The following TAS2R8 variants were observed in gnomAD, a reference collection of about 807,000 sequenced individuals.
TAS2R8 encodes taste 2 receptor member 8, also known as taste receptor type 2 member 8.
For synonymous variants in TAS2R8, 139 were observed against 123.9 expected, an observed-to-expected ratio of 1.12 and a Z score of -0.81; for missense variants, 396 against 358.1, an observed-to-expected ratio of 1.11 and a Z score of -0.85.
Position 10,806,372 on chromosome 12 carries a change from A to C in TAS2R8, c.609T>G (p.Leu203=). The C allele has an allele frequency of 1.9e-6, 3 of 1,613,862 alleles. No homozygotes were observed. The South Asian group carries it at 3.3e-5, about 18-fold the overall frequency. ...TATGTCTCCATAAAGATCTTACTAA[A>C]AGGAAAAATGATATCAGTGACACAA... ...PFIVSLISFF[L]LVRSLWRHTK... The change falls in exon 1 of 1, where the codon CTT becomes CTG. Residue 203 remains leucine (L), a synonymous_variant. Transcript: ENST00000240615.
the TAS2R8 span, chr12:10,806,745 T>TG: frequency 6.2e-7 from 1 of 1,613,914 alleles, no homozygotes; most frequent in South Asian, 1.1e-5. Flanking sequence ...CTGTTGTTTA[T>TG]TTTTTGTATA....
rs1358977563 is a variant in TAS2R8 at position 10,806,533 on chromosome 12, T to C, written c.448A>G (p.Ile150Val). The C allele has an allele frequency of 1.9e-6, 3 of 1,613,890 alleles. No homozygotes were observed. The highest frequency in any genetic ancestry group is 8.5e-7 in the Non-Finnish European group (1 of 1,179,914). The change falls in exon 1 of 1, where the codon ATA (isoleucine) becomes GTA (valine). Residue 150 changes from isoleucine (I) to valine (V), a missense_variant. Transcript: ENST00000240615. Reference protein sequence around the residue: ...ISLLVSLIAAIVLSCDYRFHA... With the variant: ...ISLLVSLIAAVVLSCDYRFHA... ...AACCTATAATCACAACTCAGTACTATTGCTGCTATAAGGCTGACCAACAAG... is the reference window on the plus strand; with the variant it reads ...AACCTATAATCACAACTCAGTACTACTGCTGCTATAAGGCTGACCAACAAG...
chr12:10,806,433 A>G lies in TAS2R8; in HGVS notation c.548T>C (p.Leu183Ser), dbSNP rs1423161985. ...AATTGCAAACAGGTTAAAGAGAGTC[A>G]AGGGTTCAAAGTATGGTATTTTACT... Reference protein sequence around the residue: ...HVSKIPYFEPLTLFNLFAIVP... With the variant: ...HVSKIPYFEPSTLFNLFAIVP... The change falls in exon 1 of 1, where the codon TTG becomes TCG. Residue 183 changes from leucine to serine, a missense_variant. Coordinates refer to ENST00000240615, the MANE Select transcript of TAS2R8 (RefSeq NM_023918.3). The G allele has an allele frequency of 6.2e-7, 1 of 1,613,800 alleles. No homozygotes were observed. Among genetic ancestry groups the G allele is most frequent in the Non-Finnish European group, 8.5e-7 (1 of 1,179,852 alleles).
chr12:10,807,206 T>G lies in TAS2R8; in HGVS notation c.-226A>C. The stretch of plus-strand genomic sequence containing the variant: ...AACTAATGAGCAGCTTGACTAGTTA[T>G]TTATAGCCTGGAAAAATTATAATTA... On this transcript the variant is annotated 5_prime_UTR_variant, in exon 1 of 1. Coordinates refer to ENST00000240615, the MANE Select transcript of TAS2R8 (RefSeq NM_023918.3). 1 of 452,184 alleles carries G rather than the reference T, an allele frequency of 2.2e-6. No homozygotes were observed. The highest frequency in any genetic ancestry group is 5.7e-5 in the South Asian group (1 of 17,394). 28.0% of individuals were successfully genotyped at this position (452,184 alleles called of 1,614,324 possible). A position where few individuals can be genotyped will look rare whatever the true frequency, so the allele number is the denominator to read the frequency against.
chr12:10,806,965 C>T lies in TAS2R8; in HGVS notation c.16G>A (p.Asp6Asn). 1 of 1,604,524 alleles carries T rather than the reference C, an allele frequency of 6.2e-7. No individual in the cohort carries two copies. The stretch of plus-strand genomic sequence containing the variant: ...GTTATTAGGATTATAAAGATGTTAT[C>T]TGCAGGACTGAACATGTTTGTAGAG... MFSPA[D>N]NIFIILITGE... Residue 6 changes from aspartate (D) to asparagine (N), a missense_variant, in exon 1 of 1, where the codon GAT (aspartate) becomes AAT (asparagine). By Grantham distance (23) the Asp-to-Asn change is conservative. Transcript: ENST00000240615.
In TAS2R8 at chr12:10,806,724, A is replaced by C. The variant is rs763144353; in HGVS notation, c.257T>G (p.Phe86Cys). 4.3e-6 allele frequency: 7 copies of C among 1,613,840 alleles called. No homozygotes were observed. In the African/African-American group the frequency reaches 8.0e-5, roughly 18 times the overall value. Reference protein sequence around the residue: ...YTKNKQQIVIFTFWTFANYLN... With the variant: ...YTKNKQQIVICTFWTFANYLN... ...GTAGTTGGCAAATGTCCAGAAGGTA[A>C]AAATGACTATCTGTTGTTTATTTTT... Residue 86 changes from phenylalanine (F) to cysteine (C), a missense_variant, in exon 1 of 1, where the codon TTT becomes TGT. By Grantham distance (205) the Phe-to-Cys change is radical (BLOSUM62 -2). Transcript: ENST00000240615.
At position 10,806,629 on chromosome 12, in the gene TAS2R8, G is replaced by C. The variant is rs770656210; in HGVS notation, c.352C>G (p.Leu118Val). The C allele has an allele frequency of 2.0e-5, 32 of 1,613,808 alleles. No individual in the cohort carries two copies. The highest frequency in any genetic ancestry group is 2.6e-5 in the Non-Finnish European group (31 of 1,179,924). ...FLKIASSSHP[L>V]FLWLKWKIDM... Reference sequence around the variant, plus strand: ...ATTTTCCACTTCAGCCAGAGAAAAAGTGGATGAGAGGAACTGGCTATCTTC... The same window carrying C: ...ATTTTCCACTTCAGCCAGAGAAAAACTGGATGAGAGGAACTGGCTATCTTC... Residue 118 changes from leucine to valine, a missense_variant, in exon 1 of 1, where the codon CTT becomes GTT. By Grantham distance (32) the Leu-to-Val change is conservative. Coordinates refer to ENST00000240615, the MANE Select transcript of TAS2R8 (RefSeq NM_023918.3).
rs757214440 is a variant in TAS2R8 at position 10,807,134 on chromosome 12, G to T, written c.-154C>A. On this transcript the variant is annotated 5_prime_UTR_variant, in exon 1 of 1. It adds an upstream start codon to the 5' untranslated region. Coordinates refer to ENST00000240615, the MANE Select transcript of TAS2R8 (RefSeq NM_023918.3). Reference sequence around the variant, plus strand: ...GTTGTTATTCTTCCGGAAGTGTTCAGCTCTCCTCTGAAATAGGATTGTCTC... The same window carrying T: ...GTTGTTATTCTTCCGGAAGTGTTCATCTCTCCTCTGAAATAGGATTGTCTC... 1.5e-4 allele frequency: 100 copies of T among 652,298 alleles called. 1 individual carries two copies. The highest frequency in any genetic ancestry group is 2.3e-4 in the Non-Finnish European group (91 of 392,922). The allele number at this position is 652,298 out of a possible 1,614,324, so 40.4% of individuals were successfully genotyped here.
chr12:10,806,138 G>A lies in TAS2R8; in HGVS notation c.843C>T (p.His281=). ...EIAAILYPLG[H]SLILIVLNNK... The stretch of plus-strand genomic sequence containing the variant: ...TATTTAAAACAATTAAAATAAGTGA[G>A]TGACCCAAGGGGTAGAGAATTGCTG... Residue 281 remains histidine, a synonymous_variant, in exon 1 of 1, where the codon CAC becomes CAT. Coordinates refer to ENST00000240615, the MANE Select transcript of TAS2R8 (RefSeq NM_023918.3). 6.2e-7 allele frequency: 1 copy of A among 1,612,806 alleles called. No homozygotes were observed. Among genetic ancestry groups the A allele is most frequent in the South Asian group, 1.1e-5 (1 of 90,734 alleles).
chr12:10,806,437 G>A lies in TAS2R8; in HGVS notation c.544C>T (p.Pro182Ser). The stretch of plus-strand genomic sequence containing the variant: ...GCAAACAGGTTAAAGAGAGTCAAGG[G>A]TTCAAAGTATGGTATTTTACTCACA... ...FHVSKIPYFE[P>S]LTLFNLFAIV... Residue 182 changes from proline to serine, a missense_variant, in exon 1 of 1, where the codon CCC becomes TCC. Physicochemically the swap from Pro to Ser is moderately conservative, Grantham distance 74. Transcript: ENST00000240615. 6.2e-7 allele frequency: 1 copy of A among 1,613,680 alleles called. No individual in the cohort carries two copies. Among genetic ancestry groups the A allele is most frequent in the East Asian group, 2.2e-5 (1 of 44,852 alleles).
In TAS2R8 at chr12:10,806,828, T is replaced by C. The variant is rs1449233570; in HGVS notation, c.153A>G (p.Leu51=). 1 of 1,613,898 alleles carries C rather than the reference T, an allele frequency of 6.2e-7. No homozygotes were observed. Among genetic ancestry groups the C allele is most frequent in the African/African-American group, 1.3e-5 (1 of 75,042 alleles). ...ISTVDYILTN[L]VIARICLISV... Reference sequence around the variant, plus strand: ...TGATCAAACAAATTCTGGCGATAACTAAATTGGTAAGGATGTAGTCAACTG... The same window carrying C: ...TGATCAAACAAATTCTGGCGATAACCAAATTGGTAAGGATGTAGTCAACTG... The change falls in exon 1 of 1, where the codon TTA becomes TTG. Residue 51 remains leucine, a synonymous_variant. Transcript: ENST00000240615.
rs763142724 is a variant in TAS2R8, at chr12:10,806,570, G to A, written c.411C>T (p.Cys137=). Residue 137 remains cysteine, a synonymous_variant, in exon 1 of 1, where the codon TGC becomes TGT. Coordinates refer to ENST00000240615, the MANE Select transcript of TAS2R8 (RefSeq NM_023918.3). ...GGCTGACCAACAAGGAAATGGCAAAGCATCCCAGCAGGATCCAGTGCACCA... is the reference window on the plus strand; with the variant it reads ...GGCTGACCAACAAGGAAATGGCAAAACATCCCAGCAGGATCCAGTGCACCA... ...DMVVHWILLG[C]FAISLLVSLI... is the part of the protein sequence containing the mutation. The A allele has an allele frequency of 5.6e-6, 9 of 1,613,858 alleles. No homozygotes were observed. The highest frequency in any genetic ancestry group is 7.6e-6 in the Non-Finnish European group (9 of 1,179,908).
chr12:10,807,137 C>G lies in TAS2R8; in HGVS notation c.-157G>C, dbSNP rs1948732765. The G allele has an allele frequency of 1.5e-6, 1 of 647,754 alleles. No individual in the cohort carries two copies. Among genetic ancestry groups the G allele is most frequent in the Non-Finnish European group, 2.6e-6 (1 of 389,358 alleles). The allele number at this position is 647,754 out of a possible 1,614,324, so 40.1% of individuals were successfully genotyped here. A position where few individuals can be genotyped will look rare whatever the true frequency, so the allele number is the denominator to read the frequency against. On this transcript the variant is annotated 5_prime_UTR_variant, in exon 1 of 1. Coordinates refer to ENST00000240615, the MANE Select transcript of TAS2R8 (RefSeq NM_023918.3). ...GTTATTCTTCCGGAAGTGTTCAGCTCTCCTCTGAAATAGGATTGTCTCTAC... is the reference window on the plus strand; with the variant it reads ...GTTATTCTTCCGGAAGTGTTCAGCTGTCCTCTGAAATAGGATTGTCTCTAC...
At position 10,806,321 on chromosome 12, in the gene TAS2R8, G is replaced by A. The variant is rs541697089; in HGVS notation, c.660C>T (p.Thr220=). Residue 220 remains threonine, a synonymous_variant, in exon 1 of 1, where the codon ACC becomes ACT. Coordinates refer to ENST00000240615, the MANE Select transcript of TAS2R8 (RefSeq NM_023918.3). ...CTTCTGTGCTGGGGTCTCTACTGCC[G>A]GTAGCATAGAGTTTTATTTGCTTGG... is the stretch of plus-strand genomic sequence containing the variant. The part of the protein sequence containing the change: ...RHTKQIKLYA[T]GSRDPSTEVH... 3.0e-5 allele frequency: 48 copies of A among 1,613,640 alleles called. No individual in the cohort carries two copies. The highest frequency in any genetic ancestry group is 1.7e-4 in the Middle Eastern group (1 of 6,056).
chr12:10,806,287 T>G lies in TAS2R8; in HGVS notation c.694A>C (p.Arg232=). Residue 232 remains arginine, a synonymous_variant, in exon 1 of 1, where the codon AGA becomes CGA. Transcript: ENST00000240615. ...SRDPSTEVHV[R]AIKTMTSFIF... ...AATGAAGTCATAGTTTTAATGGCTC[T>G]CACATGAACTTCTGTGCTGGGGTCT... The G allele has an allele frequency of 1.2e-6, 2 of 1,613,722 alleles. No homozygotes were observed. Among genetic ancestry groups the G allele is most frequent in the Non-Finnish European group, 8.5e-7 (1 of 1,179,876 alleles).
In TAS2R8 at chr12:10,806,258, G is replaced by T. The variant is rs1348927296; in HGVS notation, c.723C>A (p.Ile241=). ...VRAIKTMTSF[I]FFFFLYYISS... is the part of the protein sequence containing the mutation. ...AAATATAGTATAGGAAAAAAAAGAA[G>T]ATAAATGAAGTCATAGTTTTAATGG... Residue 241 remains isoleucine, a synonymous_variant, in exon 1 of 1, where the codon ATC becomes ATA. Coordinates refer to ENST00000240615, the MANE Select transcript of TAS2R8 (RefSeq NM_023918.3). The T allele has an allele frequency of 6.2e-7, 1 of 1,613,142 alleles. No homozygotes were observed. Among genetic ancestry groups the T allele is most frequent in the Middle Eastern group, 1.7e-4 (1 of 6,048 alleles).
In TAS2R8 at chr12:10,806,729, G is replaced by A. The variant is rs774714535; in HGVS notation, c.252C>T (p.Val84=). ...TGGCAAATGTCCAGAAGGTAAAAAT[G>A]ACTATCTGTTGTTTATTTTTTGTAT... ...DVYTKNKQQI[V]IFTFWTFANY... The change falls in exon 1 of 1, where the codon GTC becomes GTT. Residue 84 remains valine, a synonymous_variant. Transcript: ENST00000240615. 5 of 1,613,874 alleles carry A rather than the reference G, an allele frequency of 3.1e-6. No individual in the cohort carries two copies. The highest frequency in any genetic ancestry group is 3.4e-6 in the Non-Finnish European group (4 of 1,179,872).
chr12:10,806,846 G>C lies in TAS2R8; in HGVS notation c.135C>G (p.Asp45Glu). The C allele has an allele frequency of 6.2e-7, 1 of 1,613,774 alleles. No individual in the cohort carries two copies. Among genetic ancestry groups the C allele is most frequent in the Non-Finnish European group, 8.5e-7 (1 of 1,179,864 alleles). Residue 45 changes from aspartate (D) to glutamate (E), a missense_variant, in exon 1 of 1, where the codon GAC becomes GAG. Asp to Glu is a conservative substitution (Grantham distance 45, BLOSUM62 2). Transcript: ENST00000240615. ...CGATAACTAAATTGGTAAGGATGTA[G>C]TCAACTGTGGAAATCTTTTTCTTCT... Reference protein sequence around the residue: ...WIKKKKISTVDYILTNLVIAR... With the variant: ...WIKKKKISTVEYILTNLVIAR...
In TAS2R8 at chr12:10,806,738, T is replaced by A; in HGVS notation, c.243A>T (p.Gln81His). The part of the protein sequence containing the change: ...LNPDVYTKNK[Q>H]QIVIFTFWTF... ...TCCAGAAGGTAAAAATGACTATCTG[T>A]TGTTTATTTTTTGTATAAACATCTG... The change falls in exon 1 of 1, where the codon CAA (glutamine) becomes CAT (histidine). Residue 81 changes from glutamine (Q) to histidine (H), a missense_variant. By Grantham distance (24) the Gln-to-His change is conservative. Coordinates refer to ENST00000240615, the MANE Select transcript of TAS2R8 (RefSeq NM_023918.3). 1 of 1,613,956 alleles carries A rather than the reference T, an allele frequency of 6.2e-7. No individual in the cohort carries two copies.
Sources: allele counts gnomAD v4.1 joint callset, GRCh38; gene constraint gnomAD v4.1.1; transcripts MANE v1.5; gene names NCBI Gene and HGNC (gene_info 2026-07-23, HGNC 2026-07-21).